Variants in EZH1 observed in about 807,000 individuals in gnomAD.
EZH1 encodes histone-lysine N-methyltransferase EZH1.
Under a neutral mutation model 100.5 loss-of-function variants are expected in EZH1, and 33 were observed. That is an observed-to-expected ratio of 0.33 (90% CI 0.25 to 0.44). The LOEUF (loss-of-function observed/expected upper bound fraction) is 0.44. EZH1 is among the 20% of genes least tolerant of loss of function. The pLI is 1.00. For missense variants in EZH1, 475 were observed against 928.4 expected, an observed-to-expected ratio of 0.51 and a Z score of 6.35; for synonymous variants, 272 against 313.8, an observed-to-expected ratio of 0.87 and a Z score of 1.41.
At position 42,713,301 on chromosome 17, in the gene EZH1, G is replaced by A. The variant is rs1254416020; in HGVS notation, c.1112C>T (p.Ser371Phe). The change falls in exon 11 of 21, where the codon TCC becomes TTC. Residue 371 changes from serine (S) to phenylalanine (F), a missense_variant. Ser to Phe is a radical substitution (Grantham distance 155). Coordinates refer to ENST00000428826, the MANE Select transcript of EZH1 (RefSeq NM_001991.5). The stretch of plus-strand genomic sequence containing the variant: ...AGCAGAGGCTGAGGCATTGGAGCAG[G>A]AAGCACTGACTATGTGGTGCCTTCT... ...RRRRHHIVSA[S>F]CSNASASAVA... 1 of 1,614,028 alleles carries A rather than the reference G, an allele frequency of 6.2e-7. No homozygotes were observed.
intron 2 of EZH1, among the ~76,000 whole-genome samples, chr17:42,729,416 A>T (rs1415315548): frequency 6.6e-6 from 1 of 152,066 alleles, no homozygotes; most frequent in East Asian, 1.9e-4. Flanking sequence ...CAAAAAACAA[A>T]ACAAAACAAA....
chr17:42,717,903 T>A, intron 10 of EZH1, 73 bp downstream of exon 10: 2 of 1,310,470 alleles, frequency 1.5e-6, no homozygotes, highest in Non-Finnish European at 2.2e-6. Flanking sequence ...ACCCCCAGAG[T>A]GCTGTGTACT....
intron 12 of EZH1, 69 bp from the exon 13 acceptor site, chr17:42,710,006 G>A: frequency 7.1e-7 from 1 of 1,400,926 alleles, no homozygotes; most frequent in East Asian, 2.3e-5. Context: ...CCAGCTGGGT[G>A]CTGGCCTTGG....
At chr17:42,733,935 ATCT>A (rs2143861367) in intron 1 of EZH1, among the ~76,000 whole-genome samples, 1 of 121,470 alleles carries the variant, frequency 8.2e-6, no homozygotes, top group African/African-American at 3.9e-5. Flanking sequence ...GCGAGACTCC[ATCT>A]CAAAAAAAAA....
rs191647768 is a variant in EZH1, at chr17:42,701,346, C to G, written c.*1186G>C. ...ATGAATGCCAGAGAGGGTGGCACCA[C>G]AGCCTGGGACAGGTGGTCTACCTGC... On this transcript the variant is annotated 3_prime_UTR_variant, in exon 21 of 21. Transcript: ENST00000428826. 4.5e-3 allele frequency: 688 copies of G among 153,018 alleles called. 1 individual carries two copies. Among genetic ancestry groups the G allele is most frequent in the Middle Eastern group, 0.01 (3 of 294 alleles). The allele number at this position is 153,018 out of a possible 1,614,324, so 9.5% of individuals were successfully genotyped here.
intron 1 of EZH1, among the ~76,000 whole-genome samples, chr17:42,742,429 C>T (rs532824719): frequency 6.6e-6 from 1 of 152,252 alleles, no homozygotes; most frequent in South Asian, 2.1e-4. Context: ...TAGGTGTAAG[C>T]CATCAGCCCA....
chr17:42,736,858 A>G lies in EZH1; in HGVS notation c.-102-5940T>C, dbSNP rs866806011. ...AGAGCGAGACTCTGCCTCATTAATA[A>G]TAATAGTAATAATAAAATGAAACCA... is the stretch of plus-strand genomic sequence containing the variant. On this transcript the variant is annotated intron_variant, in intron 1 of 20. Transcript: ENST00000428826. Among the ~76,000 whole-genome samples, 26 of 152,050 alleles carry G rather than the reference A, an allele frequency of 1.7e-4. No homozygotes were observed. In the South Asian group the frequency reaches 4.6e-3, roughly 27 times the overall value.
At chr17:42,722,316 C>CT (rs2053724047) in intron 6 of EZH1, among the ~76,000 whole-genome samples, 1 of 148,540 alleles carries the variant, frequency 6.7e-6, no homozygotes, top group South Asian at 2.1e-4. Flanking sequence ...GTCCCTGTCT[C>CT]TAAAAAAAAA....
At chr17:42,705,875 G>T in intron 16 of EZH1, 132 bp downstream of exon 16, 2 of 976,356 alleles carry the variant, frequency 2.0e-6, no homozygotes, top group Non-Finnish European at 2.9e-6. Context: ...CAGTAAATAT[G>T]TGTCTTTTAG....
chr17:42,713,153 G>A (rs926712953), intron 11 of EZH1, 56 bp downstream of exon 11: 1 of 1,556,138 alleles, frequency 6.4e-7, no homozygotes, highest in Non-Finnish European at 8.8e-7. Context: ...AGTGATCCTG[G>A]GTTTACCAGA....
chr17:42,710,575 T>A (rs1016837494), intron 12 of EZH1, among the ~76,000 whole-genome samples: 1 of 151,730 alleles, frequency 6.6e-6, no homozygotes, highest in Non-Finnish European at 1.5e-5. Context: ...GAAATAGGTA[T>A]GAGCTCCAAA....
chr17:42,741,989 A>T (rs1442141102), intron 1 of EZH1, among the ~76,000 whole-genome samples: 1 of 152,072 alleles, frequency 6.6e-6, no homozygotes, highest in Non-Finnish European at 1.5e-5. Context: ...CAGTGTCCAG[A>T]CTTAAATTGG....
chr17:42,737,114 T>C (rs2054080457), intron 1 of EZH1, among the ~76,000 whole-genome samples: 1 of 151,888 alleles, frequency 6.6e-6, no homozygotes, highest in Non-Finnish European at 1.5e-5. Flanking sequence ...GCCTCTTAAG[T>C]AGCTGGGATT....
chr17:42,714,908 T>C (rs1196690710), intron 10 of EZH1, among the ~76,000 whole-genome samples: 1 of 138,844 alleles, frequency 7.2e-6, no homozygotes, highest in East Asian at 2.1e-4. Flanking sequence ...GGAAATATAT[T>C]ATATAATTAT....
At chr17:42,723,265 C>A (rs2053751271) in intron 5 of EZH1, among the ~76,000 whole-genome samples, 1 of 152,010 alleles carries the variant, frequency 6.6e-6, no homozygotes, top group African/African-American at 2.4e-5. Flanking sequence ...GTCCCAGCTA[C>A]TAGGGAGGCT....
chr17:42,713,258 T>G lies in EZH1; in HGVS notation c.1155A>C (p.Glu385Asp), dbSNP rs2053525409. ...TGCCTGTGTCCCTGTCACTGTCTCC[T>G]TCTTTAGTCTCAGCCACAGCAGAGG... ...ASASAVAETK[E>D]GDSDRDTGND... Residue 385 changes from glutamate (E) to aspartate (D), a missense_variant, in exon 11 of 21, where the codon GAA (glutamate) becomes GAC (aspartate). By Grantham distance (45) the Glu-to-Asp change is conservative. This residue lies in a region of EZH1 where 180 missense variants were observed against 295.3 expected (regional missense o/e 0.61). Transcript: ENST00000428826. 1 of 1,613,938 alleles carries G rather than the reference T, an allele frequency of 6.2e-7. No homozygotes were observed. Among genetic ancestry groups the G allele is most frequent in the East Asian group, 2.2e-5 (1 of 44,888 alleles).
At chr17:42,711,732 G>A (rs1220725015) in intron 12 of EZH1, among the ~76,000 whole-genome samples, 1 of 149,262 alleles carries the variant, frequency 6.7e-6, no homozygotes, top group African/African-American at 2.5e-5. Flanking sequence ...GACTGCTTGA[G>A]CCCAGGAGGC....
intron 4 of EZH1, among the ~76,000 whole-genome samples, chr17:42,725,551 G>C (rs1017094174): frequency 6.6e-6 from 1 of 151,992 alleles, no homozygotes; most frequent in Non-Finnish European, 1.5e-5. Context: ...AAAGTGCTGG[G>C]ATTACATGTG....
intron 1 of EZH1, among the ~76,000 whole-genome samples, chr17:42,742,540 C>G (rs766746034): frequency 6.6e-6 from 1 of 152,152 alleles, no homozygotes; most frequent in Non-Finnish European, 1.5e-5. Context: ...TCAAGTTCCA[C>G]GATTAGCATA....
Sources: gnomAD v4.1 joint callset for allele counts (sites outside exome capture counted in the v4.1 genomes callset) on GRCh38, gnomAD v4.1.1 for gene constraint, gnomAD v4.1.1 regional missense constraint, MANE v1.5 for transcripts, NCBI Gene and HGNC (gene_info 2026-07-23, HGNC 2026-07-21) for gene names.